The following ZMIZ1 variants were observed in gnomAD, a reference collection of about 807,000 sequenced individuals.
ZMIZ1 encodes the protein zinc finger MIZ-type containing 1.
ZMIZ1 carries 17 observed loss-of-function variants against 113.9 expected under a neutral mutation model. The ratio of observed to expected loss-of-function variants is 0.15; its 90% CI spans 0.10 to 0.22. The LOEUF (loss-of-function observed/expected upper bound fraction) is 0.22, where lower values mean the gene tolerates loss of function less well. ZMIZ1 is among the 10% of genes least tolerant of loss of function. The pLI is 1.00. For synonymous variants in ZMIZ1, 607 were observed against 603.1 expected (o/e 1.01, Z -0.09); for missense variants, 1,059 against 1,477.8 (o/e 0.72, Z 4.65).
intron 7 of ZMIZ1, among the ~76,000 whole-genome samples, chr10:79,234,354 G>C (rs1849512061): frequency 6.6e-6 from 1 of 152,156 alleles, no homozygotes; most frequent in South Asian, 2.1e-4. Flanking sequence ...TGACATGGCT[G>C]TTTTATGCTT....
At position 79,296,258 on chromosome 10, in the gene ZMIZ1, TCAAGGG is replaced by T; in HGVS notation, c.1231-212_1231-207del. 1.7e-6 allele frequency: 1 copy of T among 601,978 alleles called. No individual in the cohort carries two copies. Among genetic ancestry groups the T allele is most frequent in the Non-Finnish European group, 3.0e-6 (1 of 335,726 alleles). 37.3% of individuals were successfully genotyped at this position (601,978 alleles called of 1,614,324 possible). A position where few individuals can be genotyped will look rare whatever the true frequency, so the allele number is the denominator to read the frequency against. On this transcript the variant is annotated intron_variant, in intron 12 of 24. Coordinates refer to ENST00000334512, the MANE Select transcript of ZMIZ1 (RefSeq NM_020338.4). The surrounding 1 kb of genome is among the most constrained non-coding windows in gnomAD (Gnocchi z 4.1). ...CACATGTGCTCCAGGAAGAACGGCC[TCAAGGG>T]GAGGTGGCCTATGATCTGGACAGGC...
At chr10:79,166,003 G>GTGT (rs1309575802) in intron 4 of ZMIZ1, among the ~76,000 whole-genome samples, 24 of 44,512 alleles carry the variant, frequency 5.4e-4, no homozygotes, top group African/African-American at 2.2e-3. Flanking sequence ...TGTGTGTGTG[G>GTGT]GCTCTCCCTG....
chr10:79,230,983 C>G (rs951484061), intron 7 of ZMIZ1, among the ~76,000 whole-genome samples: 1 of 152,224 alleles, frequency 6.6e-6, no homozygotes, highest in South Asian at 2.1e-4. Context: ...GCACTCATGC[C>G]CTGCTCGGGC....
At chr10:79,228,444 C>G (rs147802840) in intron 7 of ZMIZ1, among the ~76,000 whole-genome samples, 1 of 152,232 alleles carries the variant, frequency 6.6e-6, no homozygotes, top group African/African-American at 2.4e-5. Context: ...ATATGGTGCT[C>G]CTTCTCCTCC....
At chr10:79,292,404 C>G (rs1432066836) in intron 11 of ZMIZ1, 48 bp downstream of exon 11, 2 of 1,578,926 alleles carry the variant, frequency 1.3e-6, no homozygotes, top group Non-Finnish European at 8.6e-7. Flanking sequence ...GCCAGCCAGG[C>G]AGACAGCCCT....
At chr10:79,180,780 G>C (rs991338671) in intron 4 of ZMIZ1, among the ~76,000 whole-genome samples, 10 of 152,186 alleles carry the variant, frequency 6.6e-5, no homozygotes, top group Non-Finnish European at 4.4e-5. Flanking sequence ...TTTCAGACAG[G>C]GCCATGCAGA....
chr10:79,099,378 C>G (rs1023252128), intron 1 of ZMIZ1, among the ~76,000 whole-genome samples: 4 of 152,202 alleles, frequency 2.6e-5, no homozygotes, highest in Admixed American at 2.6e-4. Context: ...GTCCTTCCCC[C>G]TCCCCATGGC....
At chr10:79,207,060 A>G (rs1354056844) in intron 5 of ZMIZ1, among the ~76,000 whole-genome samples, 2 of 152,246 alleles carry the variant, frequency 1.3e-5, no homozygotes, top group Non-Finnish European at 2.9e-5. Flanking sequence ...TGAGGGGACC[A>G]TCCTACGTCA....
At chr10:79,263,349 G>A (rs936140235) in intron 7 of ZMIZ1, among the ~76,000 whole-genome samples, 3 of 152,186 alleles carry the variant, frequency 2.0e-5, no homozygotes, top group African/African-American at 4.8e-5. Flanking sequence ...AGTCAGTCAG[G>A]CACTGTAAGC....
At chr10:79,198,196 T>C (rs1847925838) in intron 4 of ZMIZ1, among the ~76,000 whole-genome samples, 1 of 152,086 alleles carries the variant, frequency 6.6e-6, no homozygotes, top group Non-Finnish European at 1.5e-5. Context: ...GAGGCAGAGC[T>C]TGCAGTGAGT....
At chr10:79,070,978 C>G (rs1159248288) in intron 1 of ZMIZ1, among the ~76,000 whole-genome samples, 1 of 152,206 alleles carries the variant, frequency 6.6e-6, no homozygotes, top group Non-Finnish European at 1.5e-5. Flanking sequence ...CTCAGAGGTC[C>G]TCCAAGAAGC....
intron 2 of ZMIZ1, among the ~76,000 whole-genome samples, chr10:79,133,621 GA>G (rs1844866867): frequency 6.6e-6 from 1 of 152,130 alleles, no homozygotes; most frequent in Non-Finnish European, 1.5e-5. Flanking sequence ...GCCTGAAATA[GA>G]CACATGGGGA....
intron 3 of ZMIZ1, among the ~76,000 whole-genome samples, chr10:79,161,252 C>T (rs1469875358): frequency 1.3e-5 from 2 of 152,214 alleles, no homozygotes; most frequent in Non-Finnish European, 2.9e-5. Context: ...TCCTCCTATT[C>T]CTCCAAGCCC....
At chr10:79,208,543 T>C in intron 6 of ZMIZ1, 94 bp downstream of exon 6, 1 of 1,065,576 alleles carries the variant, frequency 9.4e-7, no homozygotes. Context: ...TGTCAGACAT[T>C]GGGAGGTGAC....
intron 1 of ZMIZ1, among the ~76,000 whole-genome samples, chr10:79,106,192 G>T (rs1028952905): frequency 3.9e-5 from 6 of 152,242 alleles, no homozygotes; most frequent in African/African-American, 1.4e-4. Flanking sequence ...GAGGGTCTAA[G>T]CTTGACACCA....
intron 1 of ZMIZ1, among the ~76,000 whole-genome samples, chr10:79,082,774 A>T (rs1269998399): frequency 6.6e-6 from 1 of 152,070 alleles, no homozygotes; most frequent in East Asian, 1.9e-4. Context: ...GCTCCTCTAG[A>T]CCTCTGCCAG....
intron 1 of ZMIZ1, among the ~76,000 whole-genome samples, chr10:79,099,159 G>T (rs1843270122): frequency 6.6e-6 from 1 of 152,152 alleles, no homozygotes; most frequent in South Asian, 2.1e-4. Flanking sequence ...AGAGCGGAGG[G>T]TCCCTAGGCT....
chr10:79,252,331 A>G lies in ZMIZ1; in HGVS notation c.281-24850A>G, dbSNP rs189435046. Reference sequence around the variant, plus strand: ...ATAAATACATTTAGTGACCTGGATAAGATCTTTCTCCTCAGGTGACAGCCT... The same window carrying G: ...ATAAATACATTTAGTGACCTGGATAGGATCTTTCTCCTCAGGTGACAGCCT... On this transcript the variant is annotated intron_variant, in intron 7 of 24. Transcript: ENST00000334512. Among the ~76,000 whole-genome samples, 142 of 152,284 alleles carry G rather than the reference A, an allele frequency of 9.3e-4. 1 individual carries two copies. The highest frequency in any genetic ancestry group is 7.3e-3 in the Admixed American group (111 of 15,306).
chr10:79,163,839 G>A (rs1430644996), intron 4 of ZMIZ1, among the ~76,000 whole-genome samples: 1 of 152,220 alleles, frequency 6.6e-6, no homozygotes, highest in Non-Finnish European at 1.5e-5. Context: ...GATGGGGCCT[G>A]CCTGCAACTC....
Sources: gnomAD v4.1 joint callset for allele counts (sites outside exome capture counted in the v4.1 genomes callset) on GRCh38, gnomAD v4.1.1 for gene constraint, Gnocchi (gnomAD v3.1) non-coding constraint, MANE v1.5 for transcripts, NCBI Gene and HGNC (gene_info 2026-07-23, HGNC 2026-07-21) for gene names.